Variants in SZT2 observed in about 807,000 individuals in gnomAD.
SZT2 encodes KICSTOR complex protein SZT2.
In SZT2, 216 loss-of-function variants were observed where a neutral mutation model predicts 404.2. The observed-to-expected ratio is 0.53, with a 90% CI of 0.48 to 0.60. SZT2 has a LOEUF of 0.60. Among genes scored for constraint, SZT2 ranks in the 20% least tolerant of loss-of-function variants. The pLI, the probability that SZT2 is intolerant of heterozygous loss-of-function variation, is 0.00. For missense variants in SZT2, 3,857 were observed against 4,459.2 expected (o/e 0.86, Z 3.85); for synonymous variants, 1,693 against 1,749.9 (o/e 0.97, Z 0.81).
At chr1:43,390,278 A>C (rs1648128362) in intron 1 of SZT2, among the ~76,000 whole-genome samples, 1 of 152,240 alleles carries the variant, frequency 6.6e-6, no homozygotes, top group Admixed American at 6.5e-5. Flanking sequence ...GGTGTTAACA[A>C]AACTTGTATT....
chr1:43,434,298 A>G (rs1654234657), intron 40 of SZT2, 88 bp from the exon 41 acceptor site: 2 of 1,154,774 alleles, frequency 1.7e-6, no homozygotes, highest in Admixed American at 4.8e-5. Flanking sequence ...CGTGATACGT[A>G]TAACTGCAGT....
intron 4 of SZT2, among the ~76,000 whole-genome samples, chr1:43,408,594 ATATAG>A (rs1650624671): frequency 6.6e-6 from 1 of 152,022 alleles, no homozygotes; most frequent in South Asian, 2.1e-4. Flanking sequence ...TTTTTTTAAC[ATATAG>A]TATGGGCATT....
chr1:43,420,721 C>A lies in SZT2; in HGVS notation c.1262-28C>A, dbSNP rs754640985. ...CAGGCCTAGAGTCCTATGCCTTCTC[C>A]TAACTGGCCCTTCCGCTTCTCCCTA... On this transcript the variant is annotated intron_variant, in intron 9 of 71. Transcript: ENST00000634258. This position sits in a 1 kb window ranked among gnomAD's most constrained non-coding sequence, Gnocchi z 5.1. The A allele has an allele frequency of 5.0e-6, 8 of 1,593,338 alleles. No individual in the cohort carries two copies. In the African/African-American group the frequency reaches 9.4e-5, roughly 19 times the overall value.
At position 43,451,332 on chromosome 1, in the gene SZT2, C is replaced by A. The variant is rs751323087; in HGVS notation, c.*852C>A. The A allele has an allele frequency of 6.2e-6, 10 of 1,613,154 alleles. No individual in the cohort carries two copies. Among genetic ancestry groups the A allele is most frequent in the Middle Eastern group, 1.6e-4 (1 of 6,062 alleles). On this transcript the variant is annotated 3_prime_UTR_variant, in exon 72 of 72. Transcript: ENST00000634258. Reference sequence around the variant, plus strand: ...GTCTCCTGCAGGGAGAGGGAGGCCTCGGCACCTCAGCCCACAAGGAGAAAA... The same window carrying A: ...GTCTCCTGCAGGGAGAGGGAGGCCTAGGCACCTCAGCCCACAAGGAGAAAA...
rs1276796177 is a variant in SZT2 at position 43,439,968 on chromosome 1, C to T, written c.7130C>T (p.Ala2377Val). ...IVQLEEKLRGAARQALADAII... is the reference protein window; with the variant it reads ...IVQLEEKLRGVARQALADAII... ...CAGCTGGAGGAGAAACTCCGAGGAG[C>T]AGCTCGCCAGGCCCTGGCCGATGCC... The change falls in exon 51 of 72, where the codon GCA becomes GTA. Residue 2377 changes from alanine to valine, a missense_variant. Ala to Val is a moderately conservative substitution (Grantham distance 64). This residue lies in a region of SZT2 where 573 missense variants were observed against 592.4 expected (regional missense o/e 0.97). Transcript: ENST00000634258. This position sits in a 1 kb window ranked among gnomAD's most constrained non-coding sequence, Gnocchi z 4.2. The T allele has an allele frequency of 6.2e-7, 1 of 1,614,100 alleles. No homozygotes were observed. The highest frequency in any genetic ancestry group is 8.5e-7 in the Non-Finnish European group (1 of 1,179,980).
At chr1:43,435,463 G>A in intron 42 of SZT2, 134 bp downstream of exon 42, 2 of 1,029,124 alleles carry the variant, frequency 1.9e-6, no homozygotes, top group East Asian at 2.6e-5. Context: ...AGAGAGCAAG[G>A]AGGATAGGAC....
rs533636331 is a variant in SZT2 at position 43,452,572 on chromosome 1, C to T, written c.*2092C>T. On this transcript the variant is annotated 3_prime_UTR_variant, in exon 72 of 72. Transcript: ENST00000634258. ...TACTTTCCAAAACCTTTCCTTCCCTCGGTCCTTCTCCGCAACCTGTAACCT... is the reference window on the plus strand; with the variant it reads ...TACTTTCCAAAACCTTTCCTTCCCTTGGTCCTTCTCCGCAACCTGTAACCT... 43 of 611,812 alleles carry T rather than the reference C, an allele frequency of 7.0e-5. No individual in the cohort carries two copies. Among genetic ancestry groups the T allele is most frequent in the South Asian group, 5.7e-4 (30 of 52,872 alleles). The allele number at this position is 611,812 out of a possible 1,614,324, so 37.9% of individuals were successfully genotyped here.
chr1:43,443,859 G>A (rs2153936211), intron 62 of SZT2, 63 bp downstream of exon 62: 4 of 1,594,800 alleles, frequency 2.5e-6, no homozygotes, highest in African/African-American at 1.3e-5. Flanking sequence ...GGCCCCACAG[G>A]CCCTTCCTCT....
rs547472975 is a variant in SZT2 at position 43,453,713 on chromosome 1, C to T, written c.*3233C>T. On this transcript the variant is annotated 3_prime_UTR_variant, in exon 72 of 72. Transcript: ENST00000634258. ...CGACGGCCTCGAAGCCCGAGCTGCC[C>T]GCGGCCCGCACCCGCGCGGGGAGGC... The T allele has an allele frequency of 3.2e-5, 45 of 1,406,958 alleles. No homozygotes were observed. Among genetic ancestry groups the T allele is most frequent in the Non-Finnish European group, 4.1e-5 (45 of 1,090,962 alleles). The allele number at this position is 1,406,958 out of a possible 1,614,324, so 87.2% of individuals were successfully genotyped here. A position where few individuals can be genotyped will look rare whatever the true frequency, so the allele number is the denominator to read the frequency against.
rs867157277 is a variant in SZT2, at chr1:43,450,638, C to T, written c.*158C>T. On this transcript the variant is annotated 3_prime_UTR_variant, in exon 72 of 72. Transcript: ENST00000634258. This position sits in a 1 kb window ranked among gnomAD's most constrained non-coding sequence, Gnocchi z 4.3. ...GTAACTATGTCTTGAGGGTCTGCTG[C>T]CCCAGCCTGGCAGCAGGAACCGCCC... 1.2e-4 allele frequency: 135 copies of T among 1,166,076 alleles called. No homozygotes were observed. The Middle Eastern group carries it at 1.2e-3, about 11-fold the overall frequency. The allele number at this position is 1,166,076 out of a possible 1,614,324, so 72.2% of individuals were successfully genotyped here.
chr1:43,424,320 G>C lies in SZT2; in HGVS notation c.2359G>C (p.Ala787Pro). ...VSGRSASSSL[A>P]SLSRYLYHQR... ...AGGCCGCTCAGCCTCTTCTAGCCTGGCGTCACTGTCCCGCTACCTCTACCA... is the reference window on the plus strand; with the variant it reads ...AGGCCGCTCAGCCTCTTCTAGCCTGCCGTCACTGTCCCGCTACCTCTACCA... Residue 787 changes from alanine to proline, a missense_variant, in exon 16 of 72, where the codon GCG becomes CCG. Ala to Pro is a conservative substitution (Grantham distance 27). Coordinates refer to ENST00000634258, the MANE Select transcript of SZT2 (RefSeq NM_001365999.1). The surrounding 1 kb of genome is among the most constrained non-coding windows in gnomAD (Gnocchi z 4.1). 6.3e-7 allele frequency: 1 copy of C among 1,598,072 alleles called. No homozygotes were observed. Among genetic ancestry groups the C allele is most frequent in the Non-Finnish European group, 8.5e-7 (1 of 1,179,600 alleles).
rs778713602 is a variant in SZT2, at chr1:43,431,790, C to T, written c.5163C>T (p.His1721=). Reference sequence around the variant, plus strand: ...GCATCCCACAGAGTCCTGCCCTGCACCGCGCAGCTGCCCATATCCATAGTT... The same window carrying T: ...GCATCCCACAGAGTCCTGCCCTGCATCGCGCAGCTGCCCATATCCATAGTT... The part of the protein sequence containing the change: ...RGGIPQSPAL[H]RAAAHIHSSP... Residue 1721 remains histidine, a synonymous_variant, in exon 36 of 72, where the codon CAC becomes CAT. Transcript: ENST00000634258. The T allele has an allele frequency of 2.5e-5, 40 of 1,614,220 alleles. No individual in the cohort carries two copies. In the South Asian group the frequency reaches 4.3e-4, roughly 17 times the overall value.
Position 43,431,307 on chromosome 1 carries a change from G to A in SZT2, c.4959G>A (p.Gly1653=). Residue 1653 remains glycine (G), a synonymous_variant, in exon 34 of 72, where the codon GGG becomes GGA. Transcript: ENST00000634258. ...GTGCTTCATTTCCACGATCCCCAGGGCAGCCATCATCTTTAAGGTCAGATG... is the reference window on the plus strand; with the variant it reads ...GTGCTTCATTTCCACGATCCCCAGGACAGCCATCATCTTTAAGGTCAGATG... ...ESSASFPRSP[G]QPSSLRSDDG... 3.1e-6 allele frequency: 5 copies of A among 1,613,188 alleles called. No individual in the cohort carries two copies. The highest frequency in any genetic ancestry group is 3.4e-6 in the Non-Finnish European group (4 of 1,179,560).
At chr1:43,446,571 C>G in intron 65 of SZT2, 155 bp downstream of exon 65, 1 of 876,806 alleles carries the variant, frequency 1.1e-6, no homozygotes, top group African/African-American at 1.7e-5. Context: ...AGTGCTCATT[C>G]TGGTGCCATG....
Position 43,420,932 on chromosome 1 carries a change from G to A in SZT2, c.1445G>A (p.Arg482His), listed in dbSNP as rs760425092. Residue 482 changes from arginine to histidine, a missense_variant, in exon 10 of 72, where the codon CGT becomes CAT. Physicochemically the swap from Arg to His is conservative, Grantham distance 29. Transcript: ENST00000634258. The surrounding 1 kb of genome is among the most constrained non-coding windows in gnomAD (Gnocchi z 5.1). The part of the protein sequence containing the change: ...DVSCALRQPI[R>H]SLYRTHVIRR... ...TCCTGTGCACTAAGGCAGCCCATTC[G>A]TTCATTGTATCGTACCCATGTTATC... 19 of 1,598,324 alleles carry A rather than the reference G, an allele frequency of 1.2e-5. No individual in the cohort carries two copies. Among genetic ancestry groups the A allele is most frequent in the South Asian group, 1.1e-4 (10 of 91,088 alleles).
chr1:43,426,894 C>A lies in SZT2; in HGVS notation c.3309+85C>A. On this transcript the variant is annotated intron_variant, in intron 23 of 71. Coordinates refer to ENST00000634258, the MANE Select transcript of SZT2 (RefSeq NM_001365999.1). This position sits in a 1 kb window ranked among gnomAD's most constrained non-coding sequence, Gnocchi z 4.9. ...CTTCAGGCCCCAACCTTCTACCGCCCTTGAGACTAAATGGCATCTGCCAAT... is the reference window on the plus strand; with the variant it reads ...CTTCAGGCCCCAACCTTCTACCGCCATTGAGACTAAATGGCATCTGCCAAT... 1 of 1,552,902 alleles carries A rather than the reference C, an allele frequency of 6.4e-7. No individual in the cohort carries two copies. The highest frequency in any genetic ancestry group is 8.8e-7 in the Non-Finnish European group (1 of 1,132,946).
rs1205292327 is a variant in SZT2, at chr1:43,451,469, A to C, written c.*989A>C. On this transcript the variant is annotated 3_prime_UTR_variant, in exon 72 of 72. Transcript: ENST00000634258. The stretch of plus-strand genomic sequence containing the variant: ...GTAGCCTTCATCTTCCAGCAGTTGA[A>C]ACAGATAGGGGAAATTCAGCTCTCC... The C allele has an allele frequency of 6.2e-7, 1 of 1,614,076 alleles. No homozygotes were observed. Among genetic ancestry groups the C allele is most frequent in the Non-Finnish European group, 8.5e-7 (1 of 1,180,026 alleles).
chr1:43,434,346 TC>T, intron 40 of SZT2, 39 bp from the exon 41 acceptor site: 1 of 1,527,536 alleles, frequency 6.5e-7, no homozygotes, highest in Non-Finnish European at 8.9e-7. Flanking sequence ...ATATAACTCC[TC>T]CCCACTGCAG....
At chr1:43,391,081 G>A (rs577829191) in intron 1 of SZT2, among the ~76,000 whole-genome samples, 3 of 152,322 alleles carry the variant, frequency 2.0e-5, no homozygotes, top group East Asian at 1.9e-4. Flanking sequence ...CTGGGAGGCC[G>A]AGGTGGGCAG....
Sources: gnomAD v4.1 joint callset for allele counts (sites outside exome capture counted in the v4.1 genomes callset) on GRCh38, gnomAD v4.1.1 for gene constraint, gnomAD v4.1.1 regional missense constraint, Gnocchi (gnomAD v3.1) non-coding constraint, MANE v1.5 for transcripts, NCBI Gene and HGNC (gene_info 2026-07-23, HGNC 2026-07-21) for gene names.